Variants in PDE4D observed in about 807,000 individuals in gnomAD.
PDE4D encodes phosphodiesterase 4D.
Under a neutral mutation model 87.4 loss-of-function variants are expected in PDE4D, and 24 were observed. The ratio of observed to expected loss-of-function variants is 0.27; its 90% CI spans 0.20 to 0.39. The LOEUF (loss-of-function observed/expected upper bound fraction) is 0.39. PDE4D is among the 10% of genes least tolerant of loss of function. PDE4D has a pLI of 1.00. For missense variants in PDE4D, 714 were observed against 1,041.0 expected, an observed-to-expected ratio of 0.69 and a Z score of 4.32; for synonymous variants, 384 against 383.2, an observed-to-expected ratio of 1.00 and a Z score of -0.02.
At chr5:60,430,969 G>A (rs1368161145) in intron 1 of PDE4D, 80 of 280,328 alleles carry the variant, frequency 2.9e-4, no homozygotes, top group Admixed American at 7.9e-4. Context: ...GCAACCATCC[G>A]ATTTCTCAAT....
intron 5 of PDE4D, among the ~76,000 whole-genome samples, chr5:59,092,755 A>T (rs1768966688): frequency 6.6e-6 from 1 of 152,188 alleles, no homozygotes. Flanking sequence ...AAACACAAAT[A>T]AATAATCCAT....
intron 1 of PDE4D, among the ~76,000 whole-genome samples, chr5:59,253,075 GC>G (rs35479721): frequency 1.3e-5 from 2 of 152,036 alleles, no homozygotes; most frequent in Admixed American, 6.6e-5. Context: ...AAAGAATCTT[GC>G]CCCCTCTTTT....
At chr5:59,020,437 C>A (rs1754918294) in intron 6 of PDE4D, among the ~76,000 whole-genome samples, 1 of 151,756 alleles carries the variant, frequency 6.6e-6, no homozygotes, top group South Asian at 2.1e-4. Context: ...TGTGCTACTG[C>A]ACTCCAGCTT....
chr5:59,701,182 T>C (rs298092), intron 1 of PDE4D, among the ~76,000 whole-genome samples: 64,321 of 151,894 alleles, frequency 0.42, 14,300 homozygotes, highest in East Asian at 0.69. Flanking sequence ...ATGCTCTTCC[T>C]ATTCCTCTCT....
chr5:59,569,238 G>A (rs888776729), intron 1 of PDE4D, among the ~76,000 whole-genome samples: 14 of 152,040 alleles, frequency 9.2e-5, no homozygotes, highest in South Asian at 2.1e-4. Context: ...CATAAATCAC[G>A]CTATATTATC....
intron 1 of PDE4D, among the ~76,000 whole-genome samples, chr5:60,440,936 T>C (rs1344216968): frequency 6.6e-6 from 1 of 152,030 alleles, no homozygotes; most frequent in Non-Finnish European, 1.5e-5. Context: ...AGCTTCAGAG[T>C]ACATGTTAAA....
chr5:59,769,870 T>C (rs979946010), intron 1 of PDE4D, among the ~76,000 whole-genome samples: 1 of 152,152 alleles, frequency 6.6e-6, no homozygotes, highest in Non-Finnish European at 1.5e-5. Context: ...GGAATGATTC[T>C]TTTTGTTTCC....
chr5:59,978,547 A>G (rs1582011450), intron 3 of PDE4D, among the ~76,000 whole-genome samples: 1 of 152,224 alleles, frequency 6.6e-6, no homozygotes, highest in East Asian at 1.9e-4. Flanking sequence ...GTTTCTTGAG[A>G]CAGAATCTAC....
chr5:60,440,082 C>T (rs947500974), intron 1 of PDE4D, among the ~76,000 whole-genome samples: 5 of 152,100 alleles, frequency 3.3e-5, no homozygotes, highest in African/African-American at 1.2e-4. Context: ...ATGTGCCAAG[C>T]TCTTTCCTAC....
chr5:59,182,481 TCTGTTAC>T (rs1741901476), intron 4 of PDE4D, among the ~76,000 whole-genome samples: 1 of 152,024 alleles, frequency 6.6e-6, no homozygotes, highest in Non-Finnish European at 1.5e-5. Flanking sequence ...CAGGGTGTTA[TCTGTTAC>T]CTTCTGGCTA....
intron 1 of PDE4D, among the ~76,000 whole-genome samples, chr5:59,226,632 T>C (rs1342669352): frequency 6.6e-6 from 1 of 152,072 alleles, no homozygotes; most frequent in African/African-American, 2.4e-5. Flanking sequence ...AGGGTAGATC[T>C]CATATTATGT....
At chr5:59,600,864 A>G (rs1393922808) in intron 1 of PDE4D, among the ~76,000 whole-genome samples, 1 of 152,204 alleles carries the variant, frequency 6.6e-6, no homozygotes, top group East Asian at 1.9e-4. Context: ...TTGTGGACCC[A>G]TCATTTCTCA....
At chr5:59,530,935 C>A (rs1814100211) in intron 1 of PDE4D, among the ~76,000 whole-genome samples, 1 of 152,146 alleles carries the variant, frequency 6.6e-6, no homozygotes, top group Admixed American at 6.5e-5. Context: ...TCTGAACATC[C>A]TCAATTGTTT....
At chr5:59,254,979 C>T (rs1760693230) in intron 1 of PDE4D, among the ~76,000 whole-genome samples, 1 of 152,080 alleles carries the variant, frequency 6.6e-6, no homozygotes, top group Admixed American at 6.6e-5. Context: ...CTGTAAGAAA[C>T]ATGAGAATGC....
intron 1 of PDE4D, among the ~76,000 whole-genome samples, chr5:59,405,586 A>G (rs1791467906): frequency 6.6e-6 from 1 of 151,776 alleles, no homozygotes; most frequent in Non-Finnish European, 1.5e-5. Context: ...TGATTGCTCA[A>G]GGGGTAATGG....
chr5:59,174,538 C>T (rs1783519652), intron 5 of PDE4D: 1 of 152,602 alleles, frequency 6.6e-6, no homozygotes, highest in Non-Finnish European at 1.5e-5. Flanking sequence ...GTGCTGGTCT[C>T]TATGCCTCTG....
chr5:59,234,360 G>T (rs1171800332), intron 1 of PDE4D, among the ~76,000 whole-genome samples: 1 of 151,904 alleles, frequency 6.6e-6, no homozygotes, highest in Non-Finnish European at 1.5e-5. Context: ...TTTAAAAAAT[G>T]ACTTATGCTT....
chr5:59,076,160 C>T (rs62356683), intron 5 of PDE4D, among the ~76,000 whole-genome samples: 35,781 of 152,104 alleles, frequency 0.24, 5,164 homozygotes, highest in Middle Eastern at 0.34. Flanking sequence ...AAAATGGCCA[C>T]TCTCACATCA....
intron 1 of PDE4D, among the ~76,000 whole-genome samples, chr5:60,497,298 G>A (rs1749856637): frequency 6.7e-6 from 1 of 148,846 alleles, no homozygotes; most frequent in Admixed American, 6.7e-5. Context: ...GGAAATGATA[G>A]CATTGTTATC....
Sources: gnomAD v4.1 joint callset for allele counts (sites outside exome capture counted in the v4.1 genomes callset) on GRCh38, gnomAD v4.1.1 for gene constraint, MANE v1.5 for transcripts, NCBI Gene and HGNC (gene_info 2026-07-23, HGNC 2026-07-21) for gene names.